Variants in SCAF11 observed in about 807,000 individuals in gnomAD.
The protein encoded by SCAF11 is protein SCAF11.
Under a neutral mutation model 140.5 loss-of-function variants are expected in SCAF11, and 47 were observed. The ratio of observed to expected loss-of-function variants is 0.33; its 90% confidence interval spans 0.26 to 0.43. SCAF11 has a LOEUF of 0.43. Ranked by LOEUF, SCAF11 falls within the 20% of genes least tolerant of loss-of-function variation. The pLI is 1.00. For synonymous variants in SCAF11, 557 were observed against 579.4 expected (o/e 0.96, Z 0.55); for missense variants, 1,645 against 1,705.1 (o/e 0.96, Z 0.62).
chr12:45,974,908 T>C (rs1050861820), intron 1 of SCAF11: 4 of 152,422 alleles, frequency 2.6e-5, no homozygotes, highest in Non-Finnish European at 5.9e-5. Flanking sequence ...AATGTATTTC[T>C]AACAGAATAA....
rs1565656457 is a variant in SCAF11 at position 45,924,995 on chromosome 12, A to G, written c.3639T>C (p.Asn1213=). The G allele has an allele frequency of 1.9e-6, 3 of 1,614,200 alleles. No homozygotes were observed. Among genetic ancestry groups the G allele is most frequent in the South Asian group, 2.2e-5 (2 of 91,090 alleles). ...LPINMMQPQM[N]VMQQQMNAQH... ...GTGCATTCATTTGTTGCTGCATTAC[A>G]TTCATTTGCGGTTGCATCATATTTA... The change falls in exon 12 of 15, where the codon AAT becomes AAC. Residue 1213 remains asparagine, a synonymous_variant. Transcript: ENST00000369367.
At chr12:45,975,595 T>G (rs1327890504) in intron 1 of SCAF11, 1 of 180,272 alleles carries the variant, frequency 5.5e-6, no homozygotes, top group African/African-American at 2.4e-5. Context: ...CTCTCAGACT[T>G]CACTGGCTTG....
rs1278916120 is a variant in SCAF11, at chr12:45,974,871, C to T, written c.-21-10683G>A. The T allele has an allele frequency of 3.9e-5, 6 of 152,514 alleles. No homozygotes were observed. The East Asian group carries it at 1.2e-3, about 29-fold the overall frequency. 9.4% of individuals were successfully genotyped at this position (152,514 alleles called of 1,614,324 possible). Reference sequence around the variant, plus strand: ...TTGCCCATATCCATCCAAGAAATCACTGTCTGAAGCAGCTGTAGCCTTATG... The same window carrying T: ...TTGCCCATATCCATCCAAGAAATCATTGTCTGAAGCAGCTGTAGCCTTATG... On this transcript the variant is annotated intron_variant, in intron 1 of 14. Transcript: ENST00000369367.
In SCAF11 at chr12:45,972,869, T is replaced by TATATATATATAGATATATATATAG. The variant is rs1404871500; in HGVS notation, c.-21-8705_-21-8682dup. ...GCCAGTATATATATATATATCGATATATATATATATAGATATATATATAGA... is the reference window on the plus strand; with the variant it reads ...GCCAGTATATATATATATATCGATATATATATATATAGATATATATATAGATATATATATAGATATATATATAGA... On this transcript the variant is annotated intron_variant, in intron 1 of 14. Transcript: ENST00000369367. Among the ~76,000 whole-genome samples, 14 of 54,332 alleles carry TATATATATATAGATATATATATAG rather than the reference T, an allele frequency of 2.6e-4. 1 individual carries two copies. Among genetic ancestry groups the TATATATATATAGATATATATATAG allele is most frequent in the Admixed American group, 5.7e-4 (2 of 3,512 alleles). 35.6% of individuals were successfully genotyped at this position (54,332 alleles called of 152,430 possible).
At chr12:45,949,516 T>C (rs954143230) in intron 4 of SCAF11, among the ~76,000 whole-genome samples, 1 of 152,168 alleles carries the variant, frequency 6.6e-6, no homozygotes, top group Admixed American at 6.6e-5. Flanking sequence ...TATAGTATAC[T>C]TCTATCAGAC....
chr12:45,928,729 T>A lies in SCAF11; in HGVS notation c.972A>T (p.Thr324=). The change falls in exon 11 of 15, where the codon ACA becomes ACT. Residue 324 remains threonine, a synonymous_variant. Transcript: ENST00000369367. ...PAMTTPTRRS[T]RNTRAETASQ... ...TGGCTGTTTCAGCTCTTGTGTTACG[T>A]GTAGACCTCCTTGTAGGAGTTGTCA... is the stretch of plus-strand genomic sequence containing the variant. 1 of 1,614,092 alleles carries A rather than the reference T, an allele frequency of 6.2e-7. No homozygotes were observed. Among genetic ancestry groups the A allele is most frequent in the Non-Finnish European group, 8.5e-7 (1 of 1,179,982 alleles).
intron 1 of SCAF11, among the ~76,000 whole-genome samples, chr12:45,985,167 T>C (rs374758038): frequency 9.2e-5 from 14 of 152,208 alleles, no homozygotes; most frequent in African/African-American, 3.4e-4. Context: ...AAACCATGAA[T>C]TGGTACCAAT....
At chr12:45,938,194 A>G (rs532655979) in intron 6 of SCAF11, among the ~76,000 whole-genome samples, 1 of 152,244 alleles carries the variant, frequency 6.6e-6, no homozygotes, top group East Asian at 1.9e-4. Flanking sequence ...TTGTGGCTTA[A>G]AACTCTTCTT....
intron 1 of SCAF11, 52 bp downstream of exon 1, chr12:45,990,301 C>A: frequency 8.1e-7 from 1 of 1,231,584 alleles, no homozygotes; most frequent in Non-Finnish European, 1.0e-6. Flanking sequence ...ACCCTCGTCT[C>A]TCCCAGACAG....
intron 2 of SCAF11, among the ~76,000 whole-genome samples, chr12:45,962,196 T>A (rs1415243299): frequency 6.6e-6 from 1 of 152,186 alleles, no homozygotes; most frequent in Non-Finnish European, 1.5e-5. Context: ...ATTTCTTTTG[T>A]GTTCTTCCTA....
At chr12:45,974,094 T>A (rs1946176820) in intron 1 of SCAF11, 1 of 419,336 alleles carries the variant, frequency 2.4e-6, no homozygotes, top group Admixed American at 2.8e-5. Context: ...CACAAAATTT[T>A]TGGTTTCCTA....
chr12:45,945,306 C>G lies in SCAF11; in HGVS notation c.406G>C (p.Ala136Pro), dbSNP rs749200425. Reference protein sequence around the residue: ...ENSKSCIRRKAIVREDLLSAK... With the variant: ...ENSKSCIRRKPIVREDLLSAK... Reference sequence around the variant, plus strand: ...CTTAATAGATCTTCTCTTACGATGGCTTTTCTTCTGTAAACATCAATAAAG... The same window carrying G: ...CTTAATAGATCTTCTCTTACGATGGGTTTTCTTCTGTAAACATCAATAAAG... The change falls in exon 6 of 15, where the codon GCC (alanine) becomes CCC (proline). Residue 136 changes from alanine to proline, a missense_variant. Around this residue, in one of 2 missense-constraint regions of SCAF11, gnomAD observed 1,582 missense variants for 1,609.2 expected, o/e 0.98. Coordinates refer to ENST00000369367, the MANE Select transcript of SCAF11 (RefSeq NM_004719.3). The G allele has an allele frequency of 1.3e-6, 2 of 1,563,770 alleles. No individual in the cohort carries two copies. The highest frequency in any genetic ancestry group is 2.3e-5 in the South Asian group (2 of 85,384).
intron 6 of SCAF11, among the ~76,000 whole-genome samples, chr12:45,935,498 G>A (rs980946233): frequency 6.6e-6 from 1 of 152,188 alleles, no homozygotes; most frequent in Non-Finnish European, 1.5e-5. Flanking sequence ...GTAAAAATGT[G>A]TGGTAGGTAC....
intron 6 of SCAF11, among the ~76,000 whole-genome samples, chr12:45,939,466 C>T (rs12314576): frequency 0.094 from 14,235 of 152,164 alleles, 2,219 homozygotes; most frequent in African/African-American, 0.32. Context: ...GAGGCCGAGA[C>T]GGGCAGATCA....
chr12:45,921,923 G>T lies in SCAF11; in HGVS notation c.*125C>A. ...TTTAGAACAAAACATCATATCCTAT[G>T]TTAAAAAAATAATTTTATCAAAACC... On this transcript the variant is annotated 3_prime_UTR_variant, in exon 15 of 15. Transcript: ENST00000369367. 1 of 1,143,726 alleles carries T rather than the reference G, an allele frequency of 8.7e-7. No individual in the cohort carries two copies. The highest frequency in any genetic ancestry group is 1.2e-6 in the Non-Finnish European group (1 of 806,416). The allele number at this position is 1,143,726 out of a possible 1,614,324, so 70.8% of individuals were successfully genotyped here.
At chr12:45,990,943 C>T (rs1035536228), upstream of SCAF11, among the ~76,000 whole-genome samples, 4 of 152,240 alleles carry the variant, frequency 2.6e-5, no homozygotes, top group East Asian at 3.9e-4. Flanking sequence ...GGCCTCTGCC[C>T]TCCTTTGGCA....
chr12:45,933,343 CACTT>C (rs1442597884), intron 8 of SCAF11, 111 bp from the exon 9 acceptor site: 4 of 580,580 alleles, frequency 6.9e-6, no homozygotes, highest in Admixed American at 3.0e-5. Flanking sequence ...TTATGAATCA[CACTT>C]ACAAGCATGT....
intron 1 of SCAF11, among the ~76,000 whole-genome samples, chr12:45,969,714 C>T (rs769481334): frequency 6.6e-6 from 1 of 152,160 alleles, no homozygotes; most frequent in Non-Finnish European, 1.5e-5. Context: ...CTAAATTGAT[C>T]AAGTCTCCTA....
chr12:45,947,840 C>A (rs1467409208), intron 5 of SCAF11, among the ~76,000 whole-genome samples: 3 of 152,102 alleles, frequency 2.0e-5, no homozygotes, highest in African/African-American at 7.2e-5. Flanking sequence ...CCATGCCCGG[C>A]TAATCTGTAA....
Sources: allele counts gnomAD v4.1 joint callset (sites outside exome capture counted in the v4.1 genomes callset), GRCh38; gene constraint gnomAD v4.1.1; regional missense constraint gnomAD v4.1.1; transcripts MANE v1.5; gene names NCBI Gene and HGNC (gene_info 2026-07-23, HGNC 2026-07-21).